PHACTR1: variants seen among roughly 807,000 people sequenced by gnomAD.
PHACTR1 encodes RPEL repeat containing 1.
Under a neutral mutation model 69.2 loss-of-function variants are expected in PHACTR1, and 16 were observed. The ratio of observed to expected loss-of-function variants is 0.23; its 90% CI spans 0.16 to 0.35. The LOEUF (loss-of-function observed/expected upper bound fraction) is 0.35, where lower values mean the gene tolerates loss of function less well. PHACTR1 is among the 10% of genes least tolerant of loss of function. The probability of loss-of-function intolerance (pLI) is 1.00; values close to 1 mark genes in which losing one functional copy is unlikely to be tolerated. For missense variants in PHACTR1, 510 were observed against 734.7 expected, an observed-to-expected ratio of 0.69 and a Z score of 3.54; for synonymous variants, 312 against 284.5, an observed-to-expected ratio of 1.10 and a Z score of -0.97.
At chr6:13,282,380 C>T (rs1780476714) in intron 12 of PHACTR1, among the ~76,000 whole-genome samples, 1 of 152,196 alleles carries the variant, frequency 6.6e-6, no homozygotes, top group African/African-American at 2.4e-5. Context: ...GAGGAAGGGT[C>T]TTCATGGCTA....
rs1409734239 is a variant in PHACTR1, at chr6:13,206,068, C to G, written c.918C>G (p.His306Gln). 6.2e-7 allele frequency: 1 copy of G among 1,613,540 alleles called. No homozygotes were observed. The highest frequency in any genetic ancestry group is 1.3e-5 in the African/African-American group (1 of 74,902). ...LPSTTGSLPMHPSGCRMIDEL... is the reference protein window; with the variant it reads ...LPSTTGSLPMQPSGCRMIDEL... The stretch of plus-strand genomic sequence containing the variant: ...CCACCACCGGCTCCCTCCCCATGCA[C>G]CCCTCGGGCTGCAGAATGATAGACG... Residue 306 changes from histidine to glutamine, a missense_variant, in exon 8 of 15, where the codon CAC becomes CAG. His to Gln is a conservative substitution (Grantham distance 24, BLOSUM62 0). Around this residue, in one of 2 missense-constraint regions of PHACTR1, gnomAD observed 419 missense variants for 530.9 expected, o/e 0.79. Transcript: ENST00000332995.
intron 6 of PHACTR1, among the ~76,000 whole-genome samples, chr6:13,175,664 G>A (rs1259618294): frequency 6.6e-6 from 1 of 152,086 alleles, no homozygotes; most frequent in African/African-American, 2.4e-5. Context: ...TTTTACCTGA[G>A]GCGGAAAAAG....
intron 8 of PHACTR1, among the ~76,000 whole-genome samples, chr6:13,226,811 C>A (rs1159035327): frequency 6.7e-6 from 1 of 149,778 alleles, no homozygotes; most frequent in Non-Finnish European, 1.5e-5. Flanking sequence ...GATCTTGGCT[C>A]ACTGCAACCT....
At chr6:13,215,008 A>C (rs1767451661) in intron 8 of PHACTR1, among the ~76,000 whole-genome samples, 1 of 152,218 alleles carries the variant, frequency 6.6e-6, no homozygotes, top group African/African-American at 2.4e-5. Flanking sequence ...TTCCTGTCCC[A>C]AAGTCCCTGA....
At chr6:13,231,445 GAGGAAGGAAAGA>G (rs1260258134) in intron 10 of PHACTR1, among the ~76,000 whole-genome samples, 2 of 101,470 alleles carry the variant, frequency 2.0e-5, no homozygotes, top group Non-Finnish European at 5.2e-5. Context: ...AGGAGGGAGG[GAGGAAGGAAAGA>G]AGGAAGGAAG....
intron 4 of PHACTR1, among the ~76,000 whole-genome samples, chr6:12,958,246 A>T (rs1792152873): frequency 6.6e-6 from 1 of 152,146 alleles, no homozygotes; most frequent in African/African-American, 2.4e-5. Context: ...GTCAGAAGAG[A>T]TGGATACAAA....
Position 12,973,512 on chromosome 6 carries a change from C to T in PHACTR1, c.251-79853C>T, listed in dbSNP as rs372263731. On this transcript the variant is annotated intron_variant, in intron 4 of 14. Coordinates refer to ENST00000332995, the MANE Select transcript of PHACTR1 (RefSeq NM_030948.6). ...GTGGACAAATGGGAACAAACAGACA[C>T]GTAGAATAATGTTTACATTGCATTA... is the stretch of plus-strand genomic sequence containing the variant. Among the ~76,000 whole-genome samples the T allele has an allele frequency of 1.2e-4, 19 of 152,282 alleles. No homozygotes were observed. In the East Asian group the frequency reaches 1.9e-3, roughly 15 times the overall value.
chr6:13,025,671 T>TTGTGTGTGTATGTGTGTG (rs747937897), intron 4 of PHACTR1, among the ~76,000 whole-genome samples: 3 of 140,220 alleles, frequency 2.1e-5, no homozygotes, highest in African/African-American at 8.2e-5. Context: ...CATATATTAT[T>TTGTGTGTGTATGTGTGTG]TGTGTGTGTG....
At chr6:12,968,024 G>C (rs767411350) in intron 4 of PHACTR1, among the ~76,000 whole-genome samples, 2 of 152,222 alleles carry the variant, frequency 1.3e-5, no homozygotes, top group Non-Finnish European at 2.9e-5. Context: ...ACATGGCAGA[G>C]CTGGCTTTAT....
At chr6:13,107,075 G>A (rs921851786) in intron 5 of PHACTR1, among the ~76,000 whole-genome samples, 3 of 149,794 alleles carry the variant, frequency 2.0e-5, no homozygotes, top group African/African-American at 7.4e-5. Context: ...AATGAGTTAG[G>A]AGATGTTTCC....
intron 10 of PHACTR1, among the ~76,000 whole-genome samples, chr6:13,264,554 T>C (rs1163836978): frequency 2.0e-5 from 3 of 152,030 alleles, no homozygotes; most frequent in Non-Finnish European, 4.4e-5. Flanking sequence ...ACCCCATCTC[T>C]ACTAAAAATA....
intron 5 of PHACTR1, among the ~76,000 whole-genome samples, chr6:13,130,894 T>C (rs950925910): frequency 2.0e-5 from 3 of 152,060 alleles, no homozygotes; most frequent in Non-Finnish European, 4.4e-5. Context: ...TGAATATAGA[T>C]GCAAAAATCC....
At chr6:12,963,454 T>TA (rs36012157) in intron 4 of PHACTR1, among the ~76,000 whole-genome samples, 30,977 of 145,200 alleles carry the variant, frequency 0.21, 3,323 homozygotes, top group South Asian at 0.29. Context: ...TGATTTTCTT[T>TA]AAAAAAAAAA....
intron 4 of PHACTR1, among the ~76,000 whole-genome samples, chr6:12,988,390 A>G (rs1218970934): frequency 6.6e-6 from 1 of 152,342 alleles, no homozygotes; most frequent in East Asian, 1.9e-4. Context: ...GAAGTGTGTG[A>G]AAACTGTCTG....
intron 5 of PHACTR1, among the ~76,000 whole-genome samples, chr6:13,072,565 A>G (rs1809703372): frequency 6.6e-6 from 1 of 152,150 alleles, no homozygotes; most frequent in African/African-American, 2.4e-5. Context: ...TGTTTTTTAA[A>G]GTTGACCTTA....
At chr6:13,215,520 A>G (rs975927177) in intron 8 of PHACTR1, among the ~76,000 whole-genome samples, 1 of 152,196 alleles carries the variant, frequency 6.6e-6, no homozygotes, top group African/African-American at 2.4e-5. Context: ...GGGAGTTGGC[A>G]TTTGTTTTCC....
intron 5 of PHACTR1, among the ~76,000 whole-genome samples, chr6:13,076,025 A>ATTT: frequency 8.7e-6 from 1 of 115,548 alleles, no homozygotes. Context: ...GCAAGGGAGC[A>ATTT]TCTTTTTTTT....
intron 10 of PHACTR1, chr6:13,230,521 G>A (rs1770697394): frequency 3.6e-6 from 1 of 279,080 alleles, no homozygotes; most frequent in East Asian, 1.0e-4. Context: ...ACCCCAGCCT[G>A]TGTGACAGAG....
chr6:13,140,191 C>CAAAAG (rs1561888141), intron 5 of PHACTR1, among the ~76,000 whole-genome samples: 2 of 151,892 alleles, frequency 1.3e-5, no homozygotes. Flanking sequence ...TGTTGCTAAT[C>CAAAAG]AAAATGGTGC....
Sources: allele counts gnomAD v4.1 joint callset (sites outside exome capture counted in the v4.1 genomes callset), GRCh38; gene constraint gnomAD v4.1.1; regional missense constraint gnomAD v4.1.1; transcripts MANE v1.5; gene names NCBI Gene and HGNC (gene_info 2026-07-23, HGNC 2026-07-21).